The following PEX5L variants were observed in gnomAD, a reference collection of about 807,000 sequenced individuals.
The protein encoded by PEX5L is PEX5-related protein.
PEX5L carries 30 observed loss-of-function variants against 84.0 expected under a neutral mutation model. That is an observed-to-expected ratio of 0.36 (90% CI 0.27 to 0.48). The LOEUF is 0.48. Among genes scored for constraint, PEX5L ranks in the 20% least tolerant of loss-of-function variants. PEX5L has a pLI of 0.99. For missense variants in PEX5L, 533 were observed against 754.6 expected, an observed-to-expected ratio of 0.71 and a Z score of 3.44; for synonymous variants, 270 against 283.1, an observed-to-expected ratio of 0.95 and a Z score of 0.46.
chr3:179,880,394 T>G (rs1258261085), intron 4 of PEX5L, among the ~76,000 whole-genome samples: 1 of 152,220 alleles, frequency 6.6e-6, no homozygotes, highest in Non-Finnish European at 1.5e-5. Flanking sequence ...ATGATCAAAC[T>G]GAATCTGAGT....
chr3:179,971,490 A>G, intron 2 of PEX5L, 104 bp downstream of exon 2: 1 of 1,340,400 alleles, frequency 7.5e-7, no homozygotes, highest in Non-Finnish European at 9.6e-7. Flanking sequence ...GGCTTTAGTC[A>G]GACAGGCTAA....
chr3:179,870,288 C>G (rs1749827976), intron 7 of PEX5L, among the ~76,000 whole-genome samples: 1 of 152,186 alleles, frequency 6.6e-6, no homozygotes, highest in Non-Finnish European at 1.5e-5. Context: ...TGAATTCCAG[C>G]AACCAGTTTG....
At chr3:179,826,851 T>G (rs1409301222) in intron 8 of PEX5L, among the ~76,000 whole-genome samples, 1 of 152,196 alleles carries the variant, frequency 6.6e-6, no homozygotes, top group Non-Finnish European at 1.5e-5. Flanking sequence ...CACTGTGCAT[T>G]GCATTATGAA....
At chr3:180,018,519 C>T (rs1790136797) in intron 1 of PEX5L, among the ~76,000 whole-genome samples, 1 of 152,146 alleles carries the variant, frequency 6.6e-6, no homozygotes, top group Non-Finnish European at 1.5e-5. Flanking sequence ...TAAATGAAAA[C>T]ATATTTTTTG....
chr3:180,016,926 T>C (rs2110490771), intron 1 of PEX5L, among the ~76,000 whole-genome samples: 1 of 152,330 alleles, frequency 6.6e-6, no homozygotes, highest in East Asian at 1.9e-4. Context: ...TATAGATTCA[T>C]GAATCCAAGT....
intron 8 of PEX5L, among the ~76,000 whole-genome samples, chr3:179,825,313 T>A (rs1157728739): frequency 6.6e-6 from 1 of 152,168 alleles, no homozygotes; most frequent in East Asian, 1.9e-4. Context: ...CAAAACTGCC[T>A]GAAAATGAAA....
chr3:180,024,814 A>G (rs941029907), intron 1 of PEX5L, among the ~76,000 whole-genome samples: 2 of 152,164 alleles, frequency 1.3e-5, no homozygotes, highest in African/African-American at 4.8e-5. Context: ...TTCCGACATC[A>G]TAACGTTCTG....
At chr3:180,036,461 G>C in intron 1 of PEX5L, 118 bp downstream of exon 1, 2 of 953,178 alleles carry the variant, frequency 2.1e-6, no homozygotes, top group South Asian at 2.6e-5. Context: ...CGGTCATGTT[G>C]CATCACTTCA....
intron 2 of PEX5L, among the ~76,000 whole-genome samples, chr3:179,966,221 T>G (rs1783296642): frequency 6.6e-6 from 1 of 152,180 alleles, no homozygotes; most frequent in Non-Finnish European, 1.5e-5. Context: ...CAGAGTTTCA[T>G]GCTTCAGAAT....
rs775202219 is a variant in PEX5L at position 179,859,151 on chromosome 3, G to A, written c.733C>T (p.Leu245=). 1.3e-4 allele frequency: 216 copies of A among 1,611,560 alleles called. No individual in the cohort carries two copies. The Admixed American group carries it at 3.5e-3, about 26-fold the overall frequency. ...CTTCCCCAGCGATGTTCTTTGGTCA[G>A]TCGAGCCTGAAATCAATCATACACA... ...LELVAPTQAR[L]TKEHRWGSAL... Residue 245 remains leucine, a synonymous_variant, in exon 8 of 15, where the codon CTG becomes TTG. Transcript: ENST00000467460.
intron 2 of PEX5L, among the ~76,000 whole-genome samples, chr3:179,958,613 C>T (rs964216860): frequency 2.0e-5 from 3 of 152,090 alleles, no homozygotes; most frequent in Non-Finnish European, 2.9e-5. Context: ...CTCTTGGTCT[C>T]CCTCATTTAT....
chr3:179,996,573 T>C lies in PEX5L; in HGVS notation c.22-24908A>G, dbSNP rs111817519. ...AATGGATAAGTCACTTTAGGCCTAC[T>C]CATCCCAGCTAGGAGGGTCCAGAAG... is the stretch of plus-strand genomic sequence containing the variant. On this transcript the variant is annotated intron_variant, in intron 1 of 14. Transcript: ENST00000467460. Among the ~76,000 whole-genome samples the C allele has an allele frequency of 4.3e-3, 651 of 152,254 alleles. 11 individuals carry two copies. Among genetic ancestry groups the C allele is most frequent in the African/African-American group, 0.015 (624 of 41,548 alleles).
chr3:179,881,720 G>A (rs1754214178), intron 4 of PEX5L: 1 of 152,134 alleles, frequency 6.6e-6, no homozygotes, highest in Admixed American at 6.5e-5. Context: ...GACAGAAAGA[G>A]AAAATGCTAC....
At chr3:179,888,645 G>GT (rs1455301964) in intron 3 of PEX5L, among the ~76,000 whole-genome samples, 21 of 142,706 alleles carry the variant, frequency 1.5e-4, no homozygotes, top group South Asian at 4.6e-4. Flanking sequence ...TAAATTAACT[G>GT]TTTTTTTTGG....
intron 2 of PEX5L, among the ~76,000 whole-genome samples, chr3:179,922,517 C>T (rs1457020790): frequency 4.0e-5 from 6 of 149,086 alleles, no homozygotes; most frequent in Non-Finnish European, 1.5e-5. Flanking sequence ...GGCGCGGTCT[C>T]GGCTCACCGC....
intron 1 of PEX5L, among the ~76,000 whole-genome samples, chr3:180,025,746 A>C (rs1579398406): frequency 6.6e-6 from 1 of 152,260 alleles, no homozygotes; most frequent in African/African-American, 2.4e-5. Flanking sequence ...AACAACAGGT[A>C]TAACAGGCAC....
intron 7 of PEX5L, among the ~76,000 whole-genome samples, chr3:179,873,813 G>C (rs1048647072): frequency 3.9e-5 from 6 of 152,092 alleles, no homozygotes; most frequent in East Asian, 1.9e-4. Flanking sequence ...CTGATACTTA[G>C]TAGCACTCAT....
chr3:180,010,047 C>T (rs1344700009), intron 1 of PEX5L, among the ~76,000 whole-genome samples: 1 of 151,774 alleles, frequency 6.6e-6, no homozygotes, highest in Non-Finnish European at 1.5e-5. Flanking sequence ...GGGTTCATGC[C>T]ATTCTCCTGC....
intron 1 of PEX5L, among the ~76,000 whole-genome samples, chr3:179,995,888 G>A (rs1389932709): frequency 6.6e-6 from 1 of 152,206 alleles, no homozygotes; most frequent in African/African-American, 2.4e-5. Context: ...AACTTGGAAT[G>A]GGGACGTGTG....
Sources: allele counts gnomAD v4.1 joint callset (sites outside exome capture counted in the v4.1 genomes callset), GRCh38; gene constraint gnomAD v4.1.1; transcripts MANE v1.5; gene names NCBI Gene and HGNC (gene_info 2026-07-23, HGNC 2026-07-21).